The following SH3RF3 variants were observed in gnomAD, a reference collection of about 807,000 sequenced individuals.
SH3RF3 encodes E3 ubiquitin-protein ligase SH3RF3.
In SH3RF3, 29 loss-of-function variants were observed where a neutral mutation model predicts 66.3. The ratio of observed to expected loss-of-function variants is 0.44; its 90% CI spans 0.33 to 0.60. SH3RF3 has a LOEUF of 0.60. Ranked by LOEUF, SH3RF3 falls within the 20% of genes least tolerant of loss-of-function variation. The pLI is 0.04. For missense variants in SH3RF3, 1,194 were observed against 1,190.9 expected (o/e 1.00, Z -0.04); for synonymous variants, 583 against 532.0 (o/e 1.10, Z -1.32).
rs374364915 is a variant in SH3RF3, at chr2:109,347,980, G to A, written c.849+31G>A. On this transcript the variant is annotated intron_variant, in intron 2 of 9. Transcript: ENST00000309415. ...GTGAGCCCCGGGGTGGGCCCCGCCA[G>A]CCCATGCAGCCTCTGTGCCACCCAG... 1.9e-6 allele frequency: 3 copies of A among 1,566,462 alleles called. No homozygotes were observed. The South Asian group carries it at 3.5e-5, about 18-fold the overall frequency.
intron 1 of SH3RF3, among the ~76,000 whole-genome samples, chr2:109,346,386 C>G (rs1056968441): frequency 6.6e-6 from 1 of 152,326 alleles, no homozygotes. Flanking sequence ...ACTACTGCTT[C>G]AGGCTTTTGT....
intron 3 of SH3RF3, among the ~76,000 whole-genome samples, chr2:109,396,172 G>T (rs1413900232): frequency 6.6e-6 from 1 of 152,222 alleles, no homozygotes; most frequent in Admixed American, 6.5e-5. Context: ...CAGAAAGCTG[G>T]CTCCCAGGTA....
intron 1 of SH3RF3, among the ~76,000 whole-genome samples, chr2:109,132,898 G>A (rs1196260847): frequency 6.6e-6 from 1 of 152,224 alleles, no homozygotes; most frequent in African/African-American, 2.4e-5. Context: ...TTCAAAACAT[G>A]CTTTTTAATG....
intron 1 of SH3RF3, among the ~76,000 whole-genome samples, chr2:109,287,009 T>C (rs1398462022): frequency 2.6e-5 from 4 of 152,232 alleles, no homozygotes; most frequent in South Asian, 2.1e-4. Flanking sequence ...CAACTGTCCC[T>C]GTGCTCAGCT....
intron 3 of SH3RF3, among the ~76,000 whole-genome samples, chr2:109,378,049 C>T (rs902094725): frequency 6.6e-6 from 1 of 152,386 alleles, no homozygotes; most frequent in Non-Finnish European, 1.5e-5. Context: ...TGTGGGTTTT[C>T]GGCCCTTGCC....
Position 109,296,051 on chromosome 2 carries a change from T to A in SH3RF3, c.574-51623T>A, listed in dbSNP as rs184815124. 1.0e-3 allele frequency among the ~76,000 whole-genome samples: 154 copies of A among 152,078 alleles called. 2 individuals carry two copies. The highest frequency in any genetic ancestry group is 3.6e-3 in the African/African-American group (151 of 41,482). ...CTGAAGGTGCTGTAATGAAGTTTCC[T>A]CCCCAGGATCCCTTCCCTGCCCCAG... On this transcript the variant is annotated intron_variant, in intron 1 of 9. Coordinates refer to ENST00000309415, the MANE Select transcript of SH3RF3 (RefSeq NM_001099289.3).
intron 7 of SH3RF3, among the ~76,000 whole-genome samples, chr2:109,445,912 T>G (rs1205250498): frequency 1.3e-5 from 2 of 152,102 alleles, no homozygotes; most frequent in African/African-American, 4.8e-5. Context: ...GGACATAGAA[T>G]GAACTGAGTG....
chr2:109,384,782 A>G (rs540486359), intron 3 of SH3RF3, among the ~76,000 whole-genome samples: 4 of 152,150 alleles, frequency 2.6e-5, no homozygotes, highest in African/African-American at 9.6e-5. Context: ...GTCATAGGGA[A>G]CCCACAGGGT....
intron 1 of SH3RF3, among the ~76,000 whole-genome samples, chr2:109,161,443 T>C (rs562202263): frequency 1.3e-5 from 2 of 151,362 alleles, no homozygotes; most frequent in South Asian, 4.2e-4. Context: ...CCTGATGGTC[T>C]GTTCTTCCCC....
At chr2:109,214,526 C>T (rs1456799908) in intron 1 of SH3RF3, among the ~76,000 whole-genome samples, 1 of 150,474 alleles carries the variant, frequency 6.6e-6, no homozygotes, top group Admixed American at 6.6e-5. Context: ...GCGTAGAAGA[C>T]CTGTGAGACA....
At chr2:109,293,145 G>A (rs1443807847) in intron 1 of SH3RF3, among the ~76,000 whole-genome samples, 1 of 152,222 alleles carries the variant, frequency 6.6e-6, no homozygotes, top group African/African-American at 2.4e-5. Flanking sequence ...TGGGACACAG[G>A]GACAGAGCTC....
At chr2:109,171,821 G>C (rs1480015329) in intron 1 of SH3RF3, among the ~76,000 whole-genome samples, 1 of 152,228 alleles carries the variant, frequency 6.6e-6, no homozygotes, top group Non-Finnish European at 1.5e-5. Context: ...CCTGCCCCAA[G>C]CTGGCCTGTC....
chr2:109,375,944 A>G (rs1482000486), intron 3 of SH3RF3, among the ~76,000 whole-genome samples: 1 of 152,216 alleles, frequency 6.6e-6, no homozygotes, highest in East Asian at 1.9e-4. Context: ...CATTGGGGGC[A>G]TGGCCTGTGG....
intron 1 of SH3RF3, among the ~76,000 whole-genome samples, chr2:109,282,935 A>G (rs774492779): frequency 5.3e-5 from 8 of 152,082 alleles, no homozygotes; most frequent in Non-Finnish European, 1.2e-4. Context: ...CAGTGTACCA[A>G]TGGTGGCATT....
chr2:109,209,742 T>C (rs1193854452), intron 1 of SH3RF3, among the ~76,000 whole-genome samples: 1 of 152,176 alleles, frequency 6.6e-6, no homozygotes, highest in Non-Finnish European at 1.5e-5. Flanking sequence ...TTACAAACCC[T>C]AGGTGAGAGT....
intron 5 of SH3RF3, among the ~76,000 whole-genome samples, chr2:109,422,282 T>G (rs951188329): frequency 3.3e-5 from 5 of 152,208 alleles, no homozygotes; most frequent in Non-Finnish European, 7.4e-5. Context: ...GGGGCTGATG[T>G]GAAAGTCAGC....
intron 1 of SH3RF3, among the ~76,000 whole-genome samples, chr2:109,170,269 CTTCTCTT>C (rs1677737007): frequency 1.3e-5 from 1 of 78,328 alleles, no homozygotes; most frequent in African/African-American, 3.7e-5. Flanking sequence ...CTTCTCTTCT[CTTCTCTT>C]CTCTTCTCTT....
intron 2 of SH3RF3, among the ~76,000 whole-genome samples, chr2:109,353,420 C>G (rs984127881): frequency 2.0e-5 from 3 of 152,216 alleles, no homozygotes; most frequent in African/African-American, 7.2e-5. Flanking sequence ...ACTCCCTGTC[C>G]ACACCCTTTC....
At chr2:109,425,384 A>G (rs973501333) in intron 5 of SH3RF3, among the ~76,000 whole-genome samples, 2 of 152,274 alleles carry the variant, frequency 1.3e-5, no homozygotes, top group African/African-American at 2.4e-5. Flanking sequence ...ACAGATTTTC[A>G]GTGTAGACAA....
Sources: allele counts gnomAD v4.1 joint callset (sites outside exome capture counted in the v4.1 genomes callset), GRCh38; gene constraint gnomAD v4.1.1; transcripts MANE v1.5; gene names NCBI Gene and HGNC (gene_info 2026-07-23, HGNC 2026-07-21).